Variants in GRIK2 observed in about 807,000 individuals in gnomAD.
GRIK2 encodes the protein glutamate ionotropic receptor kainate type subunit 2, also known as glutamate receptor ionotropic, kainate 2.
GRIK2 carries 32 observed loss-of-function variants against 100.3 expected under a neutral mutation model. That is an observed-to-expected ratio of 0.32 (90% CI 0.24 to 0.43). The LOEUF is 0.43. Ranked by LOEUF, GRIK2 falls within the 20% of genes least tolerant of loss-of-function variation. The pLI is 1.00. For synonymous variants in GRIK2, 417 were observed against 389.4 expected (o/e 1.07, Z -0.83); for missense variants, 843 against 1,114.9 (o/e 0.76, Z 3.47).
At chr6:101,785,206 T>A in intron 7 of GRIK2, among the ~76,000 whole-genome samples, 1 of 152,140 alleles carries the variant, frequency 6.6e-6, no homozygotes, top group Non-Finnish European at 1.5e-5. Flanking sequence ...TTCTGAATAT[T>A]GATCCCATGT....
chr6:101,517,522 A>ATTT (rs59430297), intron 2 of GRIK2, among the ~76,000 whole-genome samples: 6 of 151,386 alleles, frequency 4.0e-5, no homozygotes, highest in African/African-American at 1.5e-4. Context: ...GAGATAATTA[A>ATTT]TTTTTTTTTA....
chr6:101,909,983 A>C lies in GRIK2; in HGVS notation c.1749-14618A>C, dbSNP rs555698506. On this transcript the variant is annotated intron_variant, in intron 12 of 16. Transcript: ENST00000369134. Reference sequence around the variant, plus strand: ...ATGTTATGAGTTTTGAGAACAGATAAACTGATAGAAGTGTTGTATAAAATC... The same window carrying C: ...ATGTTATGAGTTTTGAGAACAGATACACTGATAGAAGTGTTGTATAAAATC... 2.5e-3 allele frequency among the ~76,000 whole-genome samples: 202 copies of C among 79,992 alleles called. 8 individuals are homozygous for C. In the South Asian group the frequency reaches 0.11, roughly 42 times the overall value. The allele number at this position is 79,992 out of a possible 152,430, so 52.5% of individuals were successfully genotyped here.
chr6:101,835,950 T>G (rs559235146), intron 10 of GRIK2, among the ~76,000 whole-genome samples: 1 of 124,126 alleles, frequency 8.1e-6, no homozygotes, highest in East Asian at 2.1e-4. Flanking sequence ...TGCATTTTTC[T>G]TGAATTATTT....
intron 7 of GRIK2, among the ~76,000 whole-genome samples, chr6:101,758,462 T>C (rs1197777232): frequency 1.3e-5 from 2 of 152,234 alleles, no homozygotes; most frequent in Admixed American, 6.5e-5. Flanking sequence ...ACATTGTTTA[T>C]AGTTAAATAA....
At chr6:101,943,644 A>T (rs1791093867) in intron 14 of GRIK2, among the ~76,000 whole-genome samples, 1 of 152,144 alleles carries the variant, frequency 6.6e-6, no homozygotes, top group Non-Finnish European at 1.5e-5. Flanking sequence ...TTTAAGATTT[A>T]ATGACTGCCC....
At chr6:101,670,114 A>G (rs1282012133) in intron 4 of GRIK2, among the ~76,000 whole-genome samples, 1 of 152,100 alleles carries the variant, frequency 6.6e-6, no homozygotes, top group Non-Finnish European at 1.5e-5. Context: ...GAATGTGAAA[A>G]GCATTATAGA....
chr6:101,886,772 A>C (rs1786651572), intron 11 of GRIK2, among the ~76,000 whole-genome samples: 1 of 145,270 alleles, frequency 6.9e-6, no homozygotes, highest in Non-Finnish European at 1.5e-5. Flanking sequence ...CTTTCCCGCT[A>C]CCCCTATAAT....
chr6:101,684,475 T>C (rs903794459), intron 6 of GRIK2, among the ~76,000 whole-genome samples: 1 of 152,158 alleles, frequency 6.6e-6, no homozygotes, highest in Non-Finnish European at 1.5e-5. Flanking sequence ...TTATATCTTC[T>C]AATTTTTGTG....
At chr6:101,589,436 T>G (rs1778538399) in intron 2 of GRIK2, among the ~76,000 whole-genome samples, 2 of 152,050 alleles carry the variant, frequency 1.3e-5, no homozygotes, top group Admixed American at 1.3e-4. Context: ...TTGACCAATA[T>G]CTCTCCAACA....
chr6:101,521,305 T>C (rs1774872639), intron 2 of GRIK2, among the ~76,000 whole-genome samples: 1 of 152,052 alleles, frequency 6.6e-6, no homozygotes, highest in South Asian at 2.1e-4. Context: ...ATAGCAGGTC[T>C]ATTTATTGAG....
chr6:101,716,720 G>A (rs1279894975), intron 7 of GRIK2, among the ~76,000 whole-genome samples: 1 of 151,674 alleles, frequency 6.6e-6, no homozygotes. Context: ...TGCATGTTGT[G>A]CACACGTACC....
At chr6:101,759,090 A>T (rs773251196) in intron 7 of GRIK2, among the ~76,000 whole-genome samples, 1 of 152,150 alleles carries the variant, frequency 6.6e-6, no homozygotes, top group Non-Finnish European at 1.5e-5. Context: ...AGAGAGTTTC[A>T]TTTTTGCATA....
chr6:101,677,985 A>G (rs1582944067), intron 5 of GRIK2, among the ~76,000 whole-genome samples: 1 of 152,138 alleles, frequency 6.6e-6, no homozygotes, highest in African/African-American at 2.4e-5. Context: ...GGCAACAAAT[A>G]AAACAACGCA....
chr6:102,054,570 C>A (rs4330544), intron 15 of GRIK2, among the ~76,000 whole-genome samples: 18 of 151,934 alleles, frequency 1.2e-4, no homozygotes, highest in Non-Finnish European at 2.4e-4. Context: ...CATGTAATAT[C>A]TAATGCAGAT....
At chr6:101,914,190 T>C (rs1165063767) in intron 12 of GRIK2, among the ~76,000 whole-genome samples, 1 of 151,214 alleles carries the variant, frequency 6.6e-6, no homozygotes, top group African/African-American at 2.4e-5. Flanking sequence ...ATGTACTAGA[T>C]GTGGATATTT....
At chr6:101,999,324 G>A (rs2114254103) in intron 14 of GRIK2, among the ~76,000 whole-genome samples, 1 of 151,988 alleles carries the variant, frequency 6.6e-6, no homozygotes, top group Non-Finnish European at 1.5e-5. Flanking sequence ...AGATCATTTG[G>A]GGAATAATTG....
intron 14 of GRIK2, among the ~76,000 whole-genome samples, chr6:101,936,693 C>T (rs534540195): frequency 6.6e-6 from 1 of 152,044 alleles, no homozygotes; most frequent in Admixed American, 6.6e-5. Context: ...TAAAATGGTG[C>T]CTTTGAGTAA....
rs557548368 is a variant in GRIK2 at position 101,486,958 on chromosome 6, A to C, written c.115+87566A>C. Among the ~76,000 whole-genome samples the C allele has an allele frequency of 2.6e-4, 38 of 146,806 alleles. 2 individuals carry two copies. Among genetic ancestry groups the C allele is most frequent in the Non-Finnish European group, 4.5e-4 (30 of 66,744 alleles). ...TTTGAAATCGGGAACTATGGACAGC[A>C]CTATTATCAGGCAATATTTGTCTTT... On this transcript the variant is annotated intron_variant, in intron 2 of 16. Transcript: ENST00000369134.
At chr6:101,632,242 A>C (rs1780783390) in intron 4 of GRIK2, among the ~76,000 whole-genome samples, 1 of 152,096 alleles carries the variant, frequency 6.6e-6, no homozygotes, top group African/African-American at 2.4e-5. Context: ...ACCCATGACC[A>C]TCCCCACCCC....
Sources: allele counts gnomAD v4.1 joint callset (sites outside exome capture counted in the v4.1 genomes callset), GRCh38; gene constraint gnomAD v4.1.1; transcripts MANE v1.5; gene names NCBI Gene and HGNC (gene_info 2026-07-23, HGNC 2026-07-21).